The following CEP112 variants were observed in gnomAD, a reference collection of about 807,000 sequenced individuals.
CEP112 encodes centrosomal protein of 112 kDa.
CEP112 carries 127 observed loss-of-function variants against 153.0 expected under a neutral mutation model. That is an observed-to-expected ratio of 0.83 (90% confidence interval 0.72 to 0.96). The LOEUF is 0.96. CEP112 is among the 40% of genes least tolerant of loss of function. CEP112 has a pLI of 0.00. For missense variants in CEP112, 1,089 were observed against 1,101.2 expected, an observed-to-expected ratio of 0.99 and a Z score of 0.16; for synonymous variants, 358 against 374.4, an observed-to-expected ratio of 0.96 and a Z score of 0.51.
At chr17:66,010,604 T>C (rs2064479880) in intron 16 of CEP112, among the ~76,000 whole-genome samples, 1 of 152,200 alleles carries the variant, frequency 6.6e-6, no homozygotes, top group South Asian at 2.1e-4. Flanking sequence ...TTCTCATAGA[T>C]GGCTCTTATT....
At chr17:65,811,560 A>C (rs573026548) in intron 21 of CEP112, among the ~76,000 whole-genome samples, 76 of 152,294 alleles carry the variant, frequency 5.0e-4, no homozygotes, top group African/African-American at 1.6e-3. Context: ...AGAAACCGAG[A>C]GGCCAATGAG....
intron 4 of CEP112, among the ~76,000 whole-genome samples, chr17:66,169,926 G>T (rs573286195): frequency 6.6e-6 from 1 of 152,254 alleles, no homozygotes; most frequent in East Asian, 1.9e-4. Flanking sequence ...GCCACAAAAG[G>T]CTGCAATCAT....
At chr17:66,069,837 G>A (rs1225722752) in intron 9 of CEP112, 78 bp downstream of exon 9, 3 of 751,658 alleles carry the variant, frequency 4.0e-6, no homozygotes, top group African/African-American at 3.6e-5. Context: ...AGAATGGATG[G>A]ATAACTGGAT....
At chr17:66,155,722 C>T (rs918941993) in intron 4 of CEP112, among the ~76,000 whole-genome samples, 12 of 152,282 alleles carry the variant, frequency 7.9e-5, no homozygotes, top group Non-Finnish European at 1.6e-4. Flanking sequence ...GAGAGGCATC[C>T]GCCATTACTG....
chr17:65,689,258 A>C, intron 23 of CEP112, 40 bp from the exon 24 acceptor site: 1 of 1,432,628 alleles, frequency 7.0e-7, no homozygotes, highest in Non-Finnish European at 9.8e-7. Context: ...AATAATTAGC[A>C]CACTTGGAAA....
intron 23 of CEP112, among the ~76,000 whole-genome samples, chr17:65,720,110 C>T (rs1026999750): frequency 2.6e-5 from 4 of 152,150 alleles, no homozygotes; most frequent in Non-Finnish European, 5.9e-5. Flanking sequence ...AGGGTTGGAT[C>T]AAATGGGTGG....
chr17:65,721,255 C>T (rs183239085), intron 23 of CEP112, among the ~76,000 whole-genome samples: 3 of 152,238 alleles, frequency 2.0e-5, no homozygotes, highest in Non-Finnish European at 4.4e-5. Context: ...TGTGATCTGC[C>T]CGCCTTGGCC....
At chr17:65,868,330 T>G (rs1598829565) in intron 20 of CEP112, among the ~76,000 whole-genome samples, 1 of 151,960 alleles carries the variant, frequency 6.6e-6, no homozygotes. Flanking sequence ...TGAAACCCCA[T>G]CTCTACCAAA....
At chr17:65,654,056 C>CAAAAAAAAAAAAAAAAAAAAAA (rs773433478) in intron 24 of CEP112, among the ~76,000 whole-genome samples, 17 of 26,878 alleles carry the variant, frequency 6.3e-4, no homozygotes, top group Non-Finnish European at 1.1e-3. Context: ...AAGACTCCAT[C>CAAAAAAAAAAAAAAAAAAAAAA]AAAAAAAAAA....
chr17:65,846,741 T>C (rs2057739978), intron 21 of CEP112, among the ~76,000 whole-genome samples: 1 of 152,216 alleles, frequency 6.6e-6, no homozygotes. Context: ...GCTAATTTTT[T>C]GTATTTTTTA....
chr17:66,042,392 T>C (rs1240608573), intron 12 of CEP112, among the ~76,000 whole-genome samples: 3 of 152,056 alleles, frequency 2.0e-5, no homozygotes, highest in Non-Finnish European at 1.5e-5. Context: ...ATTCATGATA[T>C]GATACGATGA....
intron 23 of CEP112, among the ~76,000 whole-genome samples, chr17:65,739,122 A>T (rs1235984196): frequency 1.3e-5 from 2 of 152,260 alleles, no homozygotes; most frequent in Non-Finnish European, 1.5e-5. Flanking sequence ...TAAAAAGGCC[A>T]TATGGCATGG....
chr17:65,873,179 G>C lies in CEP112; in HGVS notation c.2164-21145C>G, dbSNP rs189627946. The C allele has an allele frequency of 9.8e-5, 15 of 152,326 alleles. No individual in the cohort carries two copies. The East Asian group carries it at 2.7e-3, about 27-fold the overall frequency. The allele number at this position is 152,326 out of a possible 1,614,324, so 9.4% of individuals were successfully genotyped here. A position where few individuals can be genotyped will look rare whatever the true frequency, so the allele number is the denominator to read the frequency against. On this transcript the variant is annotated intron_variant, in intron 20 of 26. Coordinates refer to ENST00000535342, the MANE Select transcript of CEP112 (RefSeq NM_001199165.4). Reference sequence around the variant, plus strand: ...AAAATGAATCTTGCCTCCAAGATGGGCTGGCAGCTAGGAACTCTGGTCATG... The same window carrying C: ...AAAATGAATCTTGCCTCCAAGATGGCCTGGCAGCTAGGAACTCTGGTCATG...
intron 18 of CEP112, among the ~76,000 whole-genome samples, chr17:65,950,030 T>TA (rs2061770230): frequency 2.0e-5 from 3 of 152,142 alleles, no homozygotes; most frequent in Admixed American, 6.6e-5. Flanking sequence ...CTGTATTTTT[T>TA]AAAAAATAGC....
At chr17:65,954,149 A>C (rs2061930036) in intron 18 of CEP112, among the ~76,000 whole-genome samples, 1 of 152,204 alleles carries the variant, frequency 6.6e-6, no homozygotes, top group Non-Finnish European at 1.5e-5. Context: ...CCATGGCTAC[A>C]AGACGTAAAG....
intron 8 of CEP112, among the ~76,000 whole-genome samples, chr17:66,094,402 G>T (rs1490707346): frequency 1.3e-5 from 2 of 152,046 alleles, no homozygotes; most frequent in African/African-American, 4.8e-5. Flanking sequence ...CACACAATGG[G>T]GAAAGACAGT....
intron 25 of CEP112, among the ~76,000 whole-genome samples, chr17:65,638,778 T>C (rs1029010996): frequency 2.6e-5 from 4 of 152,176 alleles, no homozygotes; most frequent in African/African-American, 4.8e-5. Context: ...TGAGGCCCTA[T>C]CGCAGCTGGC....
intron 16 of CEP112, among the ~76,000 whole-genome samples, chr17:66,011,241 T>A (rs2064514326): frequency 6.6e-6 from 1 of 152,088 alleles, no homozygotes; most frequent in Admixed American, 6.6e-5. Context: ...CCGTTCTACT[T>A]TTGGTTATTT....
chr17:66,048,100 G>T (rs1007877814), intron 12 of CEP112, among the ~76,000 whole-genome samples: 12 of 148,386 alleles, frequency 8.1e-5, no homozygotes, highest in African/African-American at 2.5e-4. Context: ...TATCATTTTT[G>T]TTTTTTTTTT....
Sources: allele counts gnomAD v4.1 joint callset (sites outside exome capture counted in the v4.1 genomes callset), GRCh38; gene constraint gnomAD v4.1.1; transcripts MANE v1.5; gene names NCBI Gene and HGNC (gene_info 2026-07-23, HGNC 2026-07-21).